STT3B: variants seen among roughly 807,000 people sequenced by gnomAD.
STT3B encodes STT3 oligosaccharyltransferase complex catalytic subunit B.
Under a neutral mutation model 96.8 loss-of-function variants are expected in STT3B, and 29 were observed. That is an observed-to-expected ratio of 0.30 (90% CI 0.22 to 0.41). The LOEUF (loss-of-function observed/expected upper bound fraction) is 0.41, where lower values mean the gene tolerates loss of function less well. Ranked by LOEUF, STT3B falls within the 10% of genes least tolerant of loss-of-function variation. STT3B has a pLI of 1.00. For synonymous variants in STT3B, 367 were observed against 360.0 expected (o/e 1.02, Z -0.22); for missense variants, 640 against 1,022.3 (o/e 0.63, Z 5.10).
intron 3 of STT3B, among the ~76,000 whole-genome samples, chr3:31,590,054 A>C (rs1698632361): frequency 6.6e-6 from 1 of 152,020 alleles, no homozygotes; most frequent in East Asian, 1.9e-4. Flanking sequence ...TTCTTTTTTC[A>C]TGAGTAATTT....
chr3:31,629,696 T>C (rs2125479448), intron 14 of STT3B, among the ~76,000 whole-genome samples: 1 of 152,328 alleles, frequency 6.6e-6, no homozygotes, highest in South Asian at 2.1e-4. Context: ...TTTTGGAAAG[T>C]ATTGTTCTCC....
intron 8 of STT3B, among the ~76,000 whole-genome samples, chr3:31,619,223 A>G (rs548828242): frequency 1.3e-5 from 2 of 152,314 alleles, no homozygotes; most frequent in Admixed American, 6.5e-5. Flanking sequence ...TCAGAATTTC[A>G]GATTAGAGAT....
intron 5 of STT3B, among the ~76,000 whole-genome samples, chr3:31,612,126 A>G (rs1037307573): frequency 2.0e-5 from 3 of 152,204 alleles, no homozygotes; most frequent in African/African-American, 7.2e-5. Flanking sequence ...CCTGTTTTGC[A>G]TTACCAGTTT....
Position 31,532,968 on chromosome 3 carries a change from A to G in STT3B, c.-31A>G. On this transcript the variant is annotated 5_prime_UTR_variant, in exon 1 of 16. Coordinates refer to ENST00000295770, the MANE Select transcript of STT3B (RefSeq NM_178862.3). ...TCGCACCAGGCGGCGGCGGCGGAGG[A>G]GGAGAGCTAGACCCGCCGCCGGGGC... 2.6e-6 allele frequency: 4 copies of G among 1,566,810 alleles called. No individual in the cohort carries two copies. Among genetic ancestry groups the G allele is most frequent in the Non-Finnish European group, 3.4e-6 (4 of 1,159,994 alleles).
At chr3:31,610,725 T>A (rs1699163206) in intron 5 of STT3B, among the ~76,000 whole-genome samples, 1 of 152,238 alleles carries the variant, frequency 6.6e-6, no homozygotes, top group South Asian at 2.1e-4. Flanking sequence ...GTTGAGATTA[T>A]TACTTATCTG....
At position 31,579,959 on chromosome 3, in the gene STT3B, C is replaced by T; in HGVS notation, c.574C>T (p.Leu192Phe). ...ATCTACTTTCCTGCTTACAAGAGAA[C>T]TTTGGAACCAAGGAGCAGGACTTTT... ...SISTFLLTRE[L>F]WNQGAGLLAA... The change falls in exon 3 of 16, where the codon CTT (leucine) becomes TTT (phenylalanine). Residue 192 changes from leucine (L) to phenylalanine (F), a missense_variant. Coordinates refer to ENST00000295770, the MANE Select transcript of STT3B (RefSeq NM_178862.3). 6.2e-7 allele frequency: 1 copy of T among 1,613,862 alleles called. No homozygotes were observed. Among genetic ancestry groups the T allele is most frequent in the Non-Finnish European group, 8.5e-7 (1 of 1,179,840 alleles).
intron 13 of STT3B, among the ~76,000 whole-genome samples, chr3:31,627,052 A>G (rs1262810272): frequency 6.6e-6 from 1 of 152,060 alleles, no homozygotes; most frequent in African/African-American, 2.4e-5. Context: ...CCCCTCTCCA[A>G]AAGCCCTTTT....
intron 13 of STT3B, among the ~76,000 whole-genome samples, chr3:31,627,296 A>G (rs1699558508): frequency 6.6e-6 from 1 of 152,192 alleles, no homozygotes; most frequent in African/African-American, 2.4e-5. Context: ...CTGCGCATGC[A>G]GGGGATCTAG....
intron 1 of STT3B, among the ~76,000 whole-genome samples, chr3:31,548,022 C>T (rs1366670609): frequency 2.6e-5 from 4 of 152,092 alleles, no homozygotes; most frequent in Non-Finnish European, 5.9e-5. Flanking sequence ...AAATGCAGAG[C>T]ATCTTGAGAC....
intron 1 of STT3B, among the ~76,000 whole-genome samples, chr3:31,562,717 G>A (rs1697909814): frequency 6.6e-6 from 1 of 152,310 alleles, no homozygotes; most frequent in Admixed American, 6.5e-5. Flanking sequence ...GTAAGCAATG[G>A]AATTTGTCCT....
chr3:31,615,692 G>C (rs997978696), intron 6 of STT3B, among the ~76,000 whole-genome samples: 2 of 151,992 alleles, frequency 1.3e-5, no homozygotes, highest in South Asian at 4.2e-4. Flanking sequence ...ATAATGAATA[G>C]AATGTCTATG....
chr3:31,579,776 A>T, intron 2 of STT3B, 33 bp from the exon 3 acceptor site: 2 of 1,529,656 alleles, frequency 1.3e-6, no homozygotes, highest in South Asian at 1.2e-5. Flanking sequence ...CTCATTTTAT[A>T]TGTAATTAAA....
intron 1 of STT3B, among the ~76,000 whole-genome samples, chr3:31,547,284 T>C (rs186216067): frequency 2.0e-5 from 3 of 152,316 alleles, no homozygotes; most frequent in Admixed American, 2.0e-4. Flanking sequence ...TTAAATGTAG[T>C]GGCGAAATAT....
chr3:31,550,548 C>T (rs1697526369), intron 1 of STT3B, among the ~76,000 whole-genome samples: 1 of 152,136 alleles, frequency 6.6e-6, no homozygotes, highest in Non-Finnish European at 1.5e-5. Flanking sequence ...TCAGAGTTAA[C>T]CTAGTAAAAA....
At chr3:31,580,871 T>G (rs919999854) in intron 3 of STT3B, among the ~76,000 whole-genome samples, 1 of 151,938 alleles carries the variant, frequency 6.6e-6, no homozygotes, top group Non-Finnish European at 1.5e-5. Flanking sequence ...AGTAGGATGT[T>G]GCCAGTGCTG....
intron 4 of STT3B, among the ~76,000 whole-genome samples, chr3:31,598,528 C>A (rs1553605959): frequency 1.3e-5 from 2 of 152,130 alleles, no homozygotes; most frequent in Non-Finnish European, 2.9e-5. Flanking sequence ...GCTTTCATTT[C>A]ACTCCTTAAA....
At chr3:31,596,342 A>T (rs989217236) in intron 3 of STT3B, among the ~76,000 whole-genome samples, 2 of 152,034 alleles carry the variant, frequency 1.3e-5, no homozygotes, top group Middle Eastern at 3.2e-3. Context: ...GGAAAGGGCA[A>T]ACTTGGAAGG....
At chr3:31,587,674 C>T (rs1163545459) in intron 3 of STT3B, among the ~76,000 whole-genome samples, 3 of 152,006 alleles carry the variant, frequency 2.0e-5, no homozygotes, top group Non-Finnish European at 2.9e-5. Context: ...GTTGATTAAA[C>T]ATTTGGGTTC....
At chr3:31,535,080 C>T (rs1697053379) in intron 1 of STT3B, among the ~76,000 whole-genome samples, 1 of 151,882 alleles carries the variant, frequency 6.6e-6, no homozygotes, top group Non-Finnish European at 1.5e-5. Context: ...TTTCAGGTAA[C>T]AAAATTGTGA....
Sources: gnomAD v4.1 joint callset for allele counts (sites outside exome capture counted in the v4.1 genomes callset) on GRCh38, gnomAD v4.1.1 for gene constraint, MANE v1.5 for transcripts, NCBI Gene and HGNC (gene_info 2026-07-23, HGNC 2026-07-21) for gene names.